ANKRD27: variants seen among roughly 807,000 people sequenced by gnomAD.
The protein encoded by ANKRD27 is ankyrin repeat domain 27.
In ANKRD27, 112 loss-of-function variants were observed where a neutral mutation model predicts 129.7. That is an observed-to-expected ratio of 0.86 (90% CI 0.74 to 1.01). The LOEUF (loss-of-function observed/expected upper bound fraction) is 1.01. Among genes scored for constraint, ANKRD27 ranks in the 50% least tolerant of loss-of-function variants. The probability of loss-of-function intolerance (pLI) is 0.00; values close to 1 mark genes in which losing one functional copy is unlikely to be tolerated. For synonymous variants in ANKRD27, 516 were observed against 511.2 expected (o/e 1.01, Z -0.13); for missense variants, 1,258 against 1,300.5 (o/e 0.97, Z 0.50).
intron 1 of ANKRD27, among the ~76,000 whole-genome samples, chr19:32,661,879 T>C (rs1568420156): frequency 6.6e-6 from 1 of 152,220 alleles, no homozygotes; most frequent in Non-Finnish European, 1.5e-5. Flanking sequence ...CAAACCCATA[T>C]TGTTCAAGGG....
chr19:32,610,028 T>A (rs1454669132), intron 22 of ANKRD27, among the ~76,000 whole-genome samples: 1 of 150,900 alleles, frequency 6.6e-6, no homozygotes, highest in East Asian at 2.0e-4. Flanking sequence ...ATAAAAAAAA[T>A]AGGCCAGCAA....
At chr19:32,633,066 A>T (rs1967026706) in intron 12 of ANKRD27, among the ~76,000 whole-genome samples, 1 of 152,138 alleles carries the variant, frequency 6.6e-6, no homozygotes, top group African/African-American at 2.4e-5. Context: ...GGTCAGAGAA[A>T]CATCACACAT....
chr19:32,622,508 T>C lies in ANKRD27; in HGVS notation c.1741A>G (p.Ile581Val). The change falls in exon 18 of 29, where the codon ATA (isoleucine) becomes GTA (valine). Residue 581 changes from isoleucine (I) to valine (V), a missense_variant. By Grantham distance (29) the Ile-to-Val change is conservative. Coordinates refer to ENST00000306065, the MANE Select transcript of ANKRD27 (RefSeq NM_032139.3). ...GCTCCGTTCTGCAGCAATGTCTCTA[T>C]GACGCCTTGGTAGCCCCAGCGGGCA... The part of the protein sequence containing the change: ...IAARWGYQGV[I>V]ETLLQNGAST... 2 of 1,614,130 alleles carry C rather than the reference T, an allele frequency of 1.2e-6. No homozygotes were observed. Among genetic ancestry groups the C allele is most frequent in the East Asian group, 2.2e-5 (1 of 44,872 alleles).
intron 22 of ANKRD27, among the ~76,000 whole-genome samples, chr19:32,614,446 G>A (rs1971881621): frequency 2.0e-5 from 3 of 152,108 alleles, no homozygotes. Context: ...GCTCACACCT[G>A]TAATCCCAGC....
rs760339123 is a variant in ANKRD27 at position 32,600,086 on chromosome 19, A to G, written c.2768-36T>C. The G allele has an allele frequency of 3.6e-6, 5 of 1,391,862 alleles. No individual in the cohort carries two copies. The South Asian group carries it at 4.7e-5, about 13-fold the overall frequency. 86.2% of individuals were successfully genotyped at this position (1,391,862 alleles called of 1,614,324 possible). Reference sequence around the variant, plus strand: ...AAAGATAAACATCTAAAAACTTCAAAAACAGTTGTAAAGATTATTTTAAAA... The same window carrying G: ...AAAGATAAACATCTAAAAACTTCAAGAACAGTTGTAAAGATTATTTTAAAA... On this transcript the variant is annotated intron_variant, in intron 26 of 28. Transcript: ENST00000306065.
chr19:32,602,897 A>G (rs1198432065), intron 25 of ANKRD27, among the ~76,000 whole-genome samples: 1 of 151,998 alleles, frequency 6.6e-6, no homozygotes, highest in African/African-American at 2.4e-5. Flanking sequence ...TCAAAAAATA[A>G]TAATAATAAT....
In ANKRD27 at chr19:32,631,427, G is replaced by T. The variant is rs201398434; in HGVS notation, c.1184C>A (p.Ser395Ter). 6.2e-7 allele frequency: 1 copy of T among 1,614,078 alleles called. No individual in the cohort carries two copies. Among genetic ancestry groups the T allele is most frequent in the Non-Finnish European group, 8.5e-7 (1 of 1,179,976 alleles). The change falls in exon 13 of 29, where the codon TCG (serine) becomes TAG (stop). Residue 395 changes from serine to a stop codon, truncating the protein, a stop_gained. Transcript: ENST00000306065. LOFTEE classifies it high-confidence loss of function. The stretch of plus-strand genomic sequence containing the variant: ...CTTAAACAGGCAGTCGGTGGGAGAC[G>T]AAGTCATCTGAGAGAGTAAGCTCAT... ...QRMSLLSQMT[S>*]SPTDCLFKHI...
intron 1 of ANKRD27, chr19:32,666,274 G>A (rs1221182226): frequency 6.6e-6 from 1 of 152,146 alleles, no homozygotes; most frequent in Non-Finnish European, 1.5e-5. Flanking sequence ...AAAGCCAAAT[G>A]GACTTACATC....
intron 22 of ANKRD27, among the ~76,000 whole-genome samples, chr19:32,611,876 C>T (rs1454449746): frequency 6.6e-6 from 1 of 152,092 alleles, no homozygotes; most frequent in Admixed American, 6.6e-5. Context: ...CCATCGTGCC[C>T]GGCCAAATTC....
chr19:32,638,026 C>G (rs1162099417), intron 12 of ANKRD27: 1 of 152,364 alleles, frequency 6.6e-6, no homozygotes, highest in African/African-American at 2.4e-5. Flanking sequence ...GATGCACTGG[C>G]CAGCATGTTG....
chr19:32,615,207 C>T (rs188726127), intron 22 of ANKRD27, among the ~76,000 whole-genome samples: 1 of 152,232 alleles, frequency 6.6e-6, no homozygotes, highest in African/African-American at 2.4e-5. Flanking sequence ...TGAGTCTCAC[C>T]ATATCTTGGG....
intron 25 of ANKRD27, among the ~76,000 whole-genome samples, chr19:32,602,875 T>G (rs1387963968): frequency 6.6e-6 from 1 of 151,672 alleles, no homozygotes; most frequent in Non-Finnish European, 1.5e-5. Context: ...GGCAACAAAT[T>G]GAGACTCTGT....
intron 1 of ANKRD27, among the ~76,000 whole-genome samples, chr19:32,660,997 A>G (rs1354758960): frequency 6.6e-6 from 1 of 152,048 alleles, no homozygotes; most frequent in Non-Finnish European, 1.5e-5. Context: ...CAAGAGGTCA[A>G]GACCAGCCCA....
Position 32,615,902 on chromosome 19 carries a change from G to A in ANKRD27, c.2053-122C>T, listed in dbSNP as rs548230697. On this transcript the variant is annotated intron_variant, in intron 21 of 28. Coordinates refer to ENST00000306065, the MANE Select transcript of ANKRD27 (RefSeq NM_032139.3). ...CCACGCTTCCTTCTCCAACCCCACA[G>A]CCATTTATAACCGGCTTCTGCTCCC... 1.5e-5 allele frequency: 21 copies of A among 1,375,066 alleles called. No individual in the cohort carries two copies. In the East Asian group the frequency reaches 4.4e-4, roughly 29 times the overall value. 85.2% of individuals were successfully genotyped at this position (1,375,066 alleles called of 1,614,324 possible).
chr19:32,642,998 G>A (rs932722661), intron 9 of ANKRD27, 125 bp downstream of exon 9: 24 of 910,660 alleles, frequency 2.6e-5, no homozygotes, highest in Middle Eastern at 2.7e-4. Context: ...AAGTAACTGC[G>A]CTGCTCCTCA....
intron 3 of ANKRD27, among the ~76,000 whole-genome samples, chr19:32,648,669 G>A (rs945091845): frequency 1.3e-5 from 2 of 152,012 alleles, no homozygotes; most frequent in Non-Finnish European, 2.9e-5. Flanking sequence ...GCATGGTGGC[G>A]GGTGCCCGTA....
chr19:32,613,797 C>T (rs1029512948), intron 22 of ANKRD27, among the ~76,000 whole-genome samples: 1 of 151,168 alleles, frequency 6.6e-6, no homozygotes, highest in African/African-American at 2.4e-5. Flanking sequence ...CAAGCCCTGC[C>T]TCCCGGGTTC....
intron 20 of ANKRD27, among the ~76,000 whole-genome samples, chr19:32,617,921 A>T (rs1971946670): frequency 6.6e-6 from 1 of 151,646 alleles, no homozygotes; most frequent in East Asian, 2.0e-4. Flanking sequence ...TGCCCGGCTA[A>T]TTTTTTTTGT....
intron 2 of ANKRD27, among the ~76,000 whole-genome samples, chr19:32,653,319 T>G (rs535840485): frequency 3.3e-5 from 5 of 152,292 alleles, no homozygotes; most frequent in Non-Finnish European, 5.9e-5. Context: ...CCCCGGAGCC[T>G]ACTTACCCCA....
Sources: gnomAD v4.1 joint callset for allele counts (sites outside exome capture counted in the v4.1 genomes callset) on GRCh38, gnomAD v4.1.1 for gene constraint, MANE v1.5 for transcripts, NCBI Gene and HGNC (gene_info 2026-07-23, HGNC 2026-07-21) for gene names.